Variants in GK observed in about 807,000 individuals in gnomAD.
GK encodes ATP:glycerol 3-phosphotransferase.
Under a neutral mutation model 56.4 loss-of-function variants are expected in GK, and 9 were observed. The ratio of observed to expected loss-of-function variants is 0.16; its 90% CI spans 0.10 to 0.28. The LOEUF (loss-of-function observed/expected upper bound fraction) is 0.28. Ranked by LOEUF, GK falls within the 10% of genes least tolerant of loss-of-function variation. The pLI, the probability that GK is intolerant of heterozygous loss-of-function variation, is 1.00. For synonymous variants in GK, 104 were observed against 144.1 expected, an observed-to-expected ratio of 0.72 and a Z score of 1.99; for missense variants, 161 against 431.4, an observed-to-expected ratio of 0.37 and a Z score of 5.55.
intron 3 of GK, among the ~76,000 whole-genome samples, chrX:30,673,447 G>A (rs1285868103): frequency 1.8e-5 from 2 of 111,962 alleles, no homozygotes; most frequent in African/African-American, 6.5e-5. Context: ...AGTTGGCAAC[G>A]TTTTCTTTAA....
intron 3 of GK, among the ~76,000 whole-genome samples, chrX:30,672,749 G>A (rs1187776131): frequency 3.6e-5 from 4 of 111,410 alleles, no homozygotes; most frequent in Non-Finnish European, 7.5e-5. Context: ...GGGAGGCAGA[G>A]GTTGCGGTGA....
rs771372326 is a variant in GK at position 30,679,382 on chromosome X, T to C, written c.337+1930T>C. ...ATAGGTGTGCACCATTATGCCCGGC[T>C]AATTTTTGTATTTTCAGTAGAGACA... On this transcript the variant is annotated intron_variant, in intron 4 of 20. Transcript: ENST00000427190. 1.0e-4 allele frequency among the ~76,000 whole-genome samples: 11 copies of C among 110,416 alleles called. No homozygotes were observed. The South Asian group carries it at 4.3e-3, about 44-fold the overall frequency.
intron 19 of GK, among the ~76,000 whole-genome samples, chrX:30,725,227 C>T (rs1046217193): frequency 1.8e-5 from 2 of 111,657 alleles, no homozygotes; most frequent in Non-Finnish European, 3.8e-5. Flanking sequence ...TGAAATAATA[C>T]CTGCCTTCCA....
In GK at chrX:30,688,406, A is replaced by G. The variant is rs184325943; in HGVS notation, c.338-2717A>G. 2.8e-5 allele frequency among the ~76,000 whole-genome samples: 3 copies of G among 108,300 alleles called. No homozygotes were observed. The East Asian group carries it at 8.7e-4, about 31-fold the overall frequency. 94.0% of individuals were successfully genotyped at this position (108,300 alleles called of 115,157 possible). On this transcript the variant is annotated intron_variant, in intron 4 of 20. Coordinates refer to ENST00000427190, the MANE Select transcript of GK (RefSeq NM_001205019.2). Reference sequence around the variant, plus strand: ...GTATTTTAAAGAATATGCTCTTGAAAAGATGAAAAGAGTTTCTCCCGGGAG... The same window carrying G: ...GTATTTTAAAGAATATGCTCTTGAAGAGATGAAAAGAGTTTCTCCCGGGAG...
chrX:30,680,599 G>A (rs1934231451), intron 4 of GK, among the ~76,000 whole-genome samples: 1 of 111,903 alleles, frequency 8.9e-6, no homozygotes, highest in African/African-American at 3.2e-5. Context: ...CAGAAAAGCT[G>A]GATGAAAATG....
chrX:30,696,749 A>T lies in GK; in HGVS notation c.729+66A>T, dbSNP rs1397869269. 83 of 837,665 alleles carry T rather than the reference A, an allele frequency of 9.9e-5. 1 individual carries two copies. Among genetic ancestry groups the T allele is most frequent in the South Asian group, 9.4e-4 (43 of 45,738 alleles). The allele number at this position is 837,665 out of a possible 1,213,427, so 69.0% of individuals were successfully genotyped here. ...CAAAAAACAAACAAAAAAAAACCTAATAATTAAAGTTTTTTTATTACAAAA... is the reference window on the plus strand; with the variant it reads ...CAAAAAACAAACAAAAAAAAACCTATTAATTAAAGTTTTTTTATTACAAAA... On this transcript the variant is annotated intron_variant, in intron 8 of 20. Coordinates refer to ENST00000427190, the MANE Select transcript of GK (RefSeq NM_001205019.2).
chrX:30,678,490 A>T (rs1934063207), intron 4 of GK, among the ~76,000 whole-genome samples: 1 of 111,746 alleles, frequency 8.9e-6, no homozygotes, highest in Admixed American at 9.6e-5. Flanking sequence ...TGGAATCAGA[A>T]ATTATCAGAG....
At chrX:30,667,990 A>G (rs1446690725) in intron 2 of GK, 22 bp from the exon 3 acceptor site, 1 of 832,138 alleles carries the variant, frequency 1.2e-6, no homozygotes, top group South Asian at 2.0e-5. Flanking sequence ...CTTACTAACC[A>G]AATGCCTTCT....
intron 4 of GK, among the ~76,000 whole-genome samples, chrX:30,690,509 A>AT (rs1057487343): frequency 7.6e-4 from 81 of 106,170 alleles, no homozygotes; most frequent in South Asian, 7.6e-3. Flanking sequence ...TAAAATGGAG[A>AT]TTTTTTTTTT....
intron 13 of GK, among the ~76,000 whole-genome samples, chrX:30,716,271 T>A (rs962753652): frequency 8.9e-6 from 1 of 111,905 alleles, no homozygotes; most frequent in African/African-American, 3.2e-5. Context: ...AAGGACAGTG[T>A]CTTTGAGAGT....
At chrX:30,709,511 C>A (rs1421633730) in intron 13 of GK, among the ~76,000 whole-genome samples, 2 of 111,634 alleles carry the variant, frequency 1.8e-5, no homozygotes, top group Non-Finnish European at 3.8e-5. Context: ...TGACCCAATG[C>A]CTTGATCTCA....
At position 30,730,508 on chromosome X, in the gene GK, A is replaced by G. The variant is rs1386770086; in HGVS notation, c.*1766A>G. The G allele has an allele frequency of 4.4e-5, 5 of 112,497 alleles. No homozygotes were observed. Among genetic ancestry groups the G allele is most frequent in the Non-Finnish European group, 3.7e-5 (2 of 53,349 alleles). The allele number at this position is 112,497 out of a possible 1,213,427, so 9.3% of individuals were successfully genotyped here. A position where few individuals can be genotyped will look rare whatever the true frequency, so the allele number is the denominator to read the frequency against. ...ACTGTTCAAATAATTTTAAGATTAC[A>G]TTAATTTTTCTATAAATTGGAAGAT... On this transcript the variant is annotated 3_prime_UTR_variant, in exon 21 of 21. Transcript: ENST00000427190.
chrX:30,672,771 G>A (rs1369242182), intron 3 of GK, among the ~76,000 whole-genome samples: 4 of 110,899 alleles, frequency 3.6e-5, no homozygotes, highest in African/African-American at 1.3e-4. Context: ...CCGAGATCGC[G>A]CCACTGCACT....
chrX:30,727,534 G>A lies in GK; in HGVS notation c.1651G>A (p.Gly551Arg). The A allele has an allele frequency of 1.7e-6, 2 of 1,166,060 alleles. No homozygotes were observed. Among genetic ancestry groups the A allele is most frequent in the East Asian group, 3.0e-5 (1 of 33,599 alleles). The change falls in exon 20 of 21, where the codon GGA becomes AGA. Residue 551 changes from glycine (G) to arginine (R), a missense_variant. Physicochemically the swap from Gly to Arg is moderately radical, Grantham distance 125. Transcript: ENST00000427190. ...FIVSSMVMLI[G>R]ARYISGIP ...AGTGAGTAGCATGGTAATGTTAATC[G>A]GAGCAAGGTACATCTCAGGTTAGTT... is the stretch of plus-strand genomic sequence containing the variant.
In GK at chrX:30,666,970, T is replaced by C. The variant is rs757583133; in HGVS notation, c.153-1042T>C. ...GAGATCGAGACCATCCTGGCTAACATGGTGAAACCTCGTCTCTACTAAAAA... is the reference window on the plus strand; with the variant it reads ...GAGATCGAGACCATCCTGGCTAACACGGTGAAACCTCGTCTCTACTAAAAA... On this transcript the variant is annotated intron_variant, in intron 2 of 20. Coordinates refer to ENST00000427190, the MANE Select transcript of GK (RefSeq NM_001205019.2). Among the ~76,000 whole-genome samples the C allele has an allele frequency of 7.3e-3, 806 of 110,528 alleles. 7 individuals are homozygous for C. The highest frequency in any genetic ancestry group is 0.019 in the Middle Eastern group (4 of 216).
chrX:30,677,575 C>A, intron 4 of GK, 123 bp downstream of exon 4: 2 of 534,883 alleles, frequency 3.7e-6, no homozygotes, highest in South Asian at 4.9e-5. Context: ...GCCTGTAATC[C>A]CAGCACTTCG....
intron 13 of GK, among the ~76,000 whole-genome samples, chrX:30,714,446 T>C (rs1936507354): frequency 9.0e-6 from 1 of 111,471 alleles, no homozygotes; most frequent in African/African-American, 3.3e-5. Context: ...TTCCTTGTGG[T>C]TGTGGAACTG....
chrX:30,725,052 T>C (rs1601957469), intron 19 of GK, among the ~76,000 whole-genome samples: 1 of 110,234 alleles, frequency 9.1e-6, no homozygotes, highest in African/African-American at 3.3e-5. Context: ...AGCTAATTTT[T>C]TTGTATTTTT....
chrX:30,708,960 G>A (rs1027025822), intron 13 of GK, among the ~76,000 whole-genome samples: 2 of 111,299 alleles, frequency 1.8e-5, no homozygotes, highest in Non-Finnish European at 3.8e-5. Context: ...AGGAATATTA[G>A]TTTATTTCTA....
Sources: gnomAD v4.1 joint callset for allele counts (sites outside exome capture counted in the v4.1 genomes callset) on GRCh38, gnomAD v4.1.1 for gene constraint, MANE v1.5 for transcripts, NCBI Gene and HGNC (gene_info 2026-07-23, HGNC 2026-07-21) for gene names.